GSTA1: variants seen among roughly 807,000 people sequenced by gnomAD.
The protein encoded by GSTA1 is glutathione S-transferase alpha 1.
GSTA1 carries 23 observed loss-of-function variants against 21.5 expected under a neutral mutation model. The ratio of observed to expected loss-of-function variants is 1.07; its 90% CI spans 0.77 to 1.52. The LOEUF (loss-of-function observed/expected upper bound fraction) is 1.52, where lower values mean the gene tolerates loss of function less well. Among genes scored for constraint, GSTA1 ranks in the 40% most tolerant of loss-of-function variants. The probability of loss-of-function intolerance (pLI) is 0.00; values close to 1 mark genes in which losing one functional copy is unlikely to be tolerated. For synonymous variants in GSTA1, 125 were observed against 90.0 expected, an observed-to-expected ratio of 1.39 and a Z score of -2.20; for missense variants, 301 against 264.2, an observed-to-expected ratio of 1.14 and a Z score of -0.96.
chr6:52,792,691 T>C (rs1188254274), intron 6 of GSTA1, 165 bp downstream of exon 6: 4 of 1,550,134 alleles, frequency 2.6e-6, no homozygotes, highest in Admixed American at 1.9e-5. Flanking sequence ...ATAACAAAAG[T>C]GTTTTCATTC....
intron 1 of GSTA1, among the ~76,000 whole-genome samples, chr6:52,800,941 G>A (rs1402095514): frequency 8.5e-5 from 13 of 152,178 alleles, no homozygotes; most frequent in Non-Finnish European, 2.9e-5. Flanking sequence ...GAGAGCAATG[G>A]CGTGATCTTG....
intron 3 of GSTA1, among the ~76,000 whole-genome samples, chr6:52,796,543 A>ATATATTTTTTTTTTTTTTT (rs1300549721): frequency 5.5e-4 from 13 of 23,758 alleles, no homozygotes; most frequent in East Asian, 9.6e-4. Flanking sequence ...ATATATATAT[A>ATATATTTTTTTTTTTTTTT]TTTTTTTTTT....
chr6:52,796,543 A>ATATATATATATTTTTT (rs1300549721), intron 3 of GSTA1, among the ~76,000 whole-genome samples: 2 of 23,760 alleles, frequency 8.4e-5, no homozygotes, highest in Non-Finnish European at 1.1e-4. Flanking sequence ...ATATATATAT[A>ATATATATATATTTTTT]TTTTTTTTTT....
intron 4 of GSTA1, among the ~76,000 whole-genome samples, chr6:52,795,126 G>T (rs571043301): frequency 2.0e-5 from 3 of 151,784 alleles, no homozygotes; most frequent in African/African-American, 7.3e-5. Context: ...TTTTCTCCAA[G>T]CCCCACTCCT....
rs1334080935 is a variant in GSTA1, at chr6:52,791,526, A to T, written c.*332T>A. On this transcript the variant is annotated 3_prime_UTR_variant, in exon 7 of 7. Coordinates refer to ENST00000334575, the MANE Select transcript of GSTA1 (RefSeq NM_145740.5). ...TGCATTTCTACATTGACATTTTAAT[A>T]GATTGTATGACAAATTGTATGTTAC... 3 of 251,400 alleles carry T rather than the reference A, an allele frequency of 1.2e-5. No homozygotes were observed. In the East Asian group the frequency reaches 3.3e-4, roughly 28 times the overall value. 15.6% of individuals were successfully genotyped at this position (251,400 alleles called of 1,614,324 possible). A position where few individuals can be genotyped will look rare whatever the true frequency, so the allele number is the denominator to read the frequency against.
At chr6:52,793,031 G>A (rs771125396) in intron 5 of GSTA1, 44 bp from the exon 6 acceptor site, 4 of 1,613,188 alleles carry the variant, frequency 2.5e-6, no homozygotes, top group South Asian at 2.2e-5. Flanking sequence ...TGCACACCCA[G>A]GCTAGGACCC....
chr6:52,803,086 C>G (rs1255687877), intron 1 of GSTA1, among the ~76,000 whole-genome samples: 1 of 152,090 alleles, frequency 6.6e-6, no homozygotes, highest in South Asian at 2.1e-4. Context: ...GTTGTCATAT[C>G]TGCGGGGAGG....
At chr6:52,792,170 C>T (rs1763474452) in intron 6 of GSTA1, among the ~76,000 whole-genome samples, 190 bp from the exon 7 acceptor site, 1 of 152,166 alleles carries the variant, frequency 6.6e-6, no homozygotes, top group Admixed American at 6.5e-5. Flanking sequence ...ACTTTATTTT[C>T]CCCAAAGATG....
At chr6:52,800,593 T>C (rs1490304083) in intron 1 of GSTA1, among the ~76,000 whole-genome samples, 3 of 152,202 alleles carry the variant, frequency 2.0e-5, no homozygotes, top group Admixed American at 1.3e-4. Flanking sequence ...TGAAGTTTGA[T>C]AGCCCTTGCT....
intron 4 of GSTA1, 148 bp downstream of exon 4, chr6:52,796,034 G>A: frequency 2.6e-6 from 3 of 1,141,220 alleles, no homozygotes; most frequent in Non-Finnish European, 3.8e-6. Flanking sequence ...TCATCTCCAT[G>A]GGACTCTGCA....
At chr6:52,799,109 T>A in intron 2 of GSTA1, 72 bp downstream of exon 2, 1 of 1,402,414 alleles carries the variant, frequency 7.1e-7, no homozygotes, top group African/African-American at 1.4e-5. Flanking sequence ...CAACATCTCA[T>A]AGTTTCTGTG....
chr6:52,792,676 T>C (rs1273803160), intron 6 of GSTA1, 180 bp downstream of exon 6: 5 of 1,499,764 alleles, frequency 3.3e-6, no homozygotes, highest in Non-Finnish European at 3.6e-6. Flanking sequence ...ACAGATTTCC[T>C]TTCCATAACA....
chr6:52,800,247 G>T (rs1418438504), intron 1 of GSTA1, among the ~76,000 whole-genome samples: 1 of 152,164 alleles, frequency 6.6e-6, no homozygotes, highest in Admixed American at 6.5e-5. Flanking sequence ...TACATTTGAG[G>T]ATACTGAGGT....
chr6:52,792,788 A>T (rs1193257317), intron 6 of GSTA1, 68 bp downstream of exon 6: 1 of 1,611,712 alleles, frequency 6.2e-7, no homozygotes, highest in African/African-American at 1.3e-5. Flanking sequence ...GGTCAGTCGC[A>T]GGGCCCAGAT....
chr6:52,796,355 A>C (rs752125155), intron 3 of GSTA1, 41 bp from the exon 4 acceptor site: 4 of 1,612,974 alleles, frequency 2.5e-6, no homozygotes, highest in Non-Finnish European at 3.4e-6. Context: ...AGTGTCTATG[A>C]AACCCACCCT....
intron 5 of GSTA1, 84 bp downstream of exon 5, chr6:52,794,041 A>G (rs1442724366): frequency 3.3e-6 from 5 of 1,536,944 alleles, no homozygotes; most frequent in South Asian, 1.1e-5. Flanking sequence ...GAAAGTGAAG[A>G]TCAGTGACCC....
At chr6:52,797,865 A>C (rs1763626552) in intron 2 of GSTA1, among the ~76,000 whole-genome samples, 1 of 152,172 alleles carries the variant, frequency 6.6e-6, no homozygotes, top group Non-Finnish European at 1.5e-5. Context: ...CTTCAACTCC[A>C]CCCTGATATG....
chr6:52,797,725 G>A, intron 2 of GSTA1, 88 bp from the exon 3 acceptor site: 3 of 1,143,194 alleles, frequency 2.6e-6, no homozygotes, highest in South Asian at 2.5e-5. Flanking sequence ...GCATCATTTG[G>A]AGAATACAAG....
chr6:52,792,864 G>C lies in GSTA1; in HGVS notation c.538C>G (p.Leu180Val). The C allele has an allele frequency of 1.9e-6, 3 of 1,613,992 alleles. No individual in the cohort carries two copies. Among genetic ancestry groups the C allele is most frequent in the Non-Finnish European group, 2.5e-6 (3 of 1,179,910 alleles). ...GCTGTGAAATGGGTCACCTTCAGCAGAGGGAAGCTGGAGATAAGACTGGAG... is the reference window on the plus strand; with the variant it reads ...GCTGTGAAATGGGTCACCTTCAGCACAGGGAAGCTGGAGATAAGACTGGAG... ...LDSSLISSFP[L>V]LKALKTRISN... The change falls in exon 6 of 7, where the codon CTG (leucine) becomes GTG (valine). Residue 180 changes from leucine (L) to valine (V), a missense_variant. Coordinates refer to ENST00000334575, the MANE Select transcript of GSTA1 (RefSeq NM_145740.5).
Sources: gnomAD v4.1 joint callset for allele counts (sites outside exome capture counted in the v4.1 genomes callset) on GRCh38, gnomAD v4.1.1 for gene constraint, MANE v1.5 for transcripts, NCBI Gene and HGNC (gene_info 2026-07-23, HGNC 2026-07-21) for gene names.